Variants in PCDH15 observed in about 807,000 individuals in gnomAD.
PCDH15 encodes protocadherin-15.
PCDH15 carries 129 observed loss-of-function variants against 178.5 expected under a neutral mutation model. The observed-to-expected ratio is 0.72, with a 90% CI of 0.63 to 0.84. The LOEUF is 0.84. Ranked by LOEUF, PCDH15 falls within the 40% of genes least tolerant of loss-of-function variation. PCDH15 has a pLI of 0.00. For missense variants in PCDH15, 2,230 were observed against 2,099.9 expected, an observed-to-expected ratio of 1.06 and a Z score of -1.21; for synonymous variants, 800 against 732.0, an observed-to-expected ratio of 1.09 and a Z score of -1.50.
At chr10:55,557,887 G>C (rs1318942503) in intron 2 of PCDH15, among the ~76,000 whole-genome samples, 1 of 152,124 alleles carries the variant, frequency 6.6e-6, no homozygotes. Context: ...TGGGTATACA[G>C]AGATTAAAGG....
intron 25 of PCDH15, among the ~76,000 whole-genome samples, chr10:53,914,269 T>C (rs1002336170): frequency 2.6e-5 from 4 of 152,182 alleles, no homozygotes; most frequent in African/African-American, 9.7e-5. Context: ...ACTGGATATA[T>C]ACCCAAAGGA....
rs966721078 is a variant in PCDH15 at position 54,584,701 on chromosome 10, C to T, written c.92-56824G>A. On this transcript the variant is annotated intron_variant, in intron 2 of 37. Coordinates refer to ENST00000644397, the MANE Select transcript of PCDH15 (RefSeq NM_001384140.1). ...CCTTGTAATTTTAACCCAGTTCATC[C>T]CTCTAATCTTCCATTCAGTATCTCT... 3.3e-5 allele frequency among the ~76,000 whole-genome samples: 5 copies of T among 151,962 alleles called. No homozygotes were observed. The South Asian group carries it at 6.2e-4, about 19-fold the overall frequency.
At chr10:54,001,859 C>T (rs149850354) in intron 20 of PCDH15, among the ~76,000 whole-genome samples, 2 of 151,832 alleles carry the variant, frequency 1.3e-5, no homozygotes, top group African/African-American at 4.8e-5. Flanking sequence ...CACACATAGA[C>T]TGAAAATAAA....
chr10:54,832,308 G>A (rs1022496283), intron 3 of PCDH15, among the ~76,000 whole-genome samples: 4 of 151,972 alleles, frequency 2.6e-5, no homozygotes, highest in African/African-American at 7.2e-5. Context: ...CTCTGAGTGA[G>A]TACAAATAAT....
intron 3 of PCDH15, among the ~76,000 whole-genome samples, chr10:54,479,571 T>G (rs2078551551): frequency 6.6e-6 from 1 of 151,956 alleles, no homozygotes; most frequent in African/African-American, 2.4e-5. Flanking sequence ...AGATCCCTTT[T>G]CCTCATCCTC....
At chr10:54,290,008 C>T (rs560044441) in intron 8 of PCDH15, among the ~76,000 whole-genome samples, 1 of 152,150 alleles carries the variant, frequency 6.6e-6, no homozygotes, top group Non-Finnish European at 1.5e-5. Context: ...CCCAAACTAG[C>T]AATGCAGGCC....
At chr10:55,021,881 A>C (rs1840338443) in intron 2 of PCDH15, among the ~76,000 whole-genome samples, 1 of 152,120 alleles carries the variant, frequency 6.6e-6, no homozygotes, top group Admixed American at 6.6e-5. Flanking sequence ...ATGGCTATTT[A>C]ACAACCCGGA....
At chr10:54,843,366 A>T (rs1035467342) in intron 3 of PCDH15, among the ~76,000 whole-genome samples, 1 of 151,990 alleles carries the variant, frequency 6.6e-6, no homozygotes, top group Non-Finnish European at 1.5e-5. Context: ...CTTCTGGGTC[A>T]GAATATTAAC....
At chr10:54,495,447 G>A (rs1455599122) in intron 3 of PCDH15, among the ~76,000 whole-genome samples, 5 of 152,030 alleles carry the variant, frequency 3.3e-5, no homozygotes, top group South Asian at 4.1e-4. Context: ...ATACTGACAC[G>A]TTTTACATAG....
chr10:53,892,171 C>A (rs1046351869), intron 26 of PCDH15, among the ~76,000 whole-genome samples: 1 of 151,782 alleles, frequency 6.6e-6, no homozygotes, highest in South Asian at 2.1e-4. Context: ...ATTACAGGCG[C>A]CTGCCACTGC....
At chr10:53,956,925 T>C (rs2087669188) in intron 23 of PCDH15, among the ~76,000 whole-genome samples, 1 of 152,202 alleles carries the variant, frequency 6.6e-6, no homozygotes, top group African/African-American at 2.4e-5. Flanking sequence ...AAATTATACG[T>C]TGAACAACAC....
chr10:54,454,068 T>A (rs2076655075), intron 3 of PCDH15, among the ~76,000 whole-genome samples: 1 of 150,870 alleles, frequency 6.6e-6, no homozygotes, highest in Non-Finnish European at 1.5e-5. Flanking sequence ...TATAACAGAT[T>A]TATAGATTTA....
chr10:55,046,100 G>A (rs1840997807), intron 2 of PCDH15, among the ~76,000 whole-genome samples: 1 of 152,012 alleles, frequency 6.6e-6, no homozygotes, highest in South Asian at 2.1e-4. Context: ...TAAGCATACA[G>A]AGGGATTTGC....
chr10:55,431,165 C>CA (rs1009287656), intron 2 of PCDH15, among the ~76,000 whole-genome samples: 3 of 151,986 alleles, frequency 2.0e-5, no homozygotes, highest in Non-Finnish European at 2.9e-5. Flanking sequence ...GGATTCAATA[C>CA]AAAAAAGTAT....
intron 13 of PCDH15, among the ~76,000 whole-genome samples, chr10:54,167,780 C>CCCACCCCAACCTCTTATCTCT: frequency 1.3e-5 from 2 of 151,884 alleles, no homozygotes; most frequent in Admixed American, 6.6e-5. Flanking sequence ...CCCTTATTTC[C>CCCACCCCAACCTCTTATCTCT]GCACCCCAAC....
At chr10:54,732,667 A>G (rs1190431501) in intron 1 of PCDH15, among the ~76,000 whole-genome samples, 2 of 151,622 alleles carry the variant, frequency 1.3e-5, no homozygotes, top group Non-Finnish European at 3.0e-5. Context: ...AAGAGGAAGT[A>G]ACAACTCTCA....
intron 2 of PCDH15, among the ~76,000 whole-genome samples, chr10:55,131,686 C>G (rs1232702247): frequency 6.8e-6 from 1 of 147,626 alleles, no homozygotes; most frequent in Non-Finnish European, 1.5e-5. Flanking sequence ...CTATGCAGCT[C>G]TCAGTGGAGA....
At chr10:54,801,694 AAAAAC>A (rs16914937), upstream of PCDH15, among the ~76,000 whole-genome samples, 4 of 152,248 alleles carry the variant, frequency 2.6e-5, no homozygotes, top group Middle Eastern at 3.4e-3. Context: ...TTTGGGGCAT[AAAAAC>A]AAAACAAAAC....
chr10:55,431,064 A>G (rs1838870531), intron 2 of PCDH15, among the ~76,000 whole-genome samples: 1 of 152,182 alleles, frequency 6.6e-6, no homozygotes. Context: ...CTCCTCTTTT[A>G]AAAAATCATG....
Sources: allele counts gnomAD v4.1 joint callset (sites outside exome capture counted in the v4.1 genomes callset), GRCh38; gene constraint gnomAD v4.1.1; transcripts MANE v1.5; gene names NCBI Gene and HGNC (gene_info 2026-07-23, HGNC 2026-07-21).